TCF4: variants seen among roughly 807,000 people sequenced by gnomAD.
The protein encoded by TCF4 is transcription factor 4.
Under a neutral mutation model 82.1 loss-of-function variants are expected in TCF4, and 3 were observed. That is an observed-to-expected ratio of 0.04 (90% CI 0.02 to 0.09). TCF4 has a LOEUF of 0.09. Among genes scored for constraint, TCF4 ranks in the 10% least tolerant of loss-of-function variants. TCF4 has a pLI of 1.00. For missense variants in TCF4, 518 were observed against 852.7 expected (o/e 0.61, Z 4.89); for synonymous variants, 276 against 309.6 (o/e 0.89, Z 1.14).
chr18:55,478,216 C>T (rs531167189), intron 3 of TCF4, among the ~76,000 whole-genome samples: 65 of 152,268 alleles, frequency 4.3e-4, no homozygotes, highest in Non-Finnish European at 6.6e-4. Context: ...GCAAAGATTG[C>T]AATGTTACTT....
At chr18:55,618,013 C>T (rs974373614) in intron 2 of TCF4, among the ~76,000 whole-genome samples, 7 of 152,074 alleles carry the variant, frequency 4.6e-5, no homozygotes, top group South Asian at 2.1e-4. Context: ...AGTGGGCATC[C>T]TTTCTTAGTC....
intron 13 of TCF4, among the ~76,000 whole-genome samples, chr18:55,257,847 T>G (rs555729773): frequency 6.6e-6 from 1 of 152,290 alleles, no homozygotes; most frequent in East Asian, 1.9e-4. Flanking sequence ...CTTGAAAAAC[T>G]TTTTAAGGGA....
intron 3 of TCF4, among the ~76,000 whole-genome samples, chr18:55,483,770 T>C (rs2096476238): frequency 6.6e-6 from 1 of 152,252 alleles, no homozygotes; most frequent in South Asian, 2.1e-4. Flanking sequence ...TTAGGCATTC[T>C]GCGTCACTTA....
intron 2 of TCF4, chr18:55,596,192 T>G (rs1249468086): frequency 2.5e-6 from 1 of 395,282 alleles, no homozygotes; most frequent in South Asian, 1.8e-5. Context: ...ATGGTGCCAC[T>G]GCACTCCGGT....
chr18:55,288,111 G>T (rs533691513), intron 8 of TCF4, among the ~76,000 whole-genome samples: 8 of 152,152 alleles, frequency 5.3e-5, no homozygotes, highest in Non-Finnish European at 1.2e-4. Context: ...CAGGAGAGAT[G>T]TGAGTGGACT....
chr18:55,322,500 GACTGCTTGGTCA>G, intron 8 of TCF4: 1 of 980,840 alleles, frequency 1.0e-6, no homozygotes, highest in Non-Finnish European at 1.2e-6. Flanking sequence ...AGTGTTTTCT[GACTGCTTGGTCA>G]ACAACCTACA....
intron 9 of TCF4, among the ~76,000 whole-genome samples, chr18:55,276,364 TTCA>T (rs755341541): frequency 1.3e-5 from 2 of 152,184 alleles, no homozygotes; most frequent in Non-Finnish European, 2.9e-5. Flanking sequence ...ATCTTAAACC[TTCA>T]GTAGCAATCC....
At chr18:55,403,051 A>G (rs905043699) in intron 6 of TCF4, among the ~76,000 whole-genome samples, 2 of 152,184 alleles carry the variant, frequency 1.3e-5, no homozygotes, top group African/African-American at 2.4e-5. Context: ...TATGAAAACT[A>G]TAATTTAGGG....
intron 3 of TCF4, among the ~76,000 whole-genome samples, chr18:55,558,666 C>A (rs1004218961): frequency 6.6e-6 from 1 of 151,962 alleles, no homozygotes; most frequent in African/African-American, 2.4e-5. Context: ...TTGGGCCAAT[C>A]GAAACAAGAA....
intron 5 of TCF4, among the ~76,000 whole-genome samples, chr18:55,439,931 C>G (rs996724953): frequency 6.6e-6 from 1 of 152,112 alleles, no homozygotes; most frequent in African/African-American, 2.4e-5. Context: ...ACCATGTTGG[C>G]CAGGTTGGTC....
intron 1 of TCF4, among the ~76,000 whole-genome samples, chr18:55,635,152 G>A (rs1018228930): frequency 8.5e-5 from 13 of 152,156 alleles, no homozygotes; most frequent in African/African-American, 3.1e-4. Context: ...TGGGAAAGGA[G>A]ACAGAGGAGC....
chr18:55,518,855 C>A (rs2096907985), intron 3 of TCF4: 1 of 151,958 alleles, frequency 6.6e-6, no homozygotes, highest in South Asian at 2.1e-4. Context: ...TCACAATTAT[C>A]CAACATTTTA....
chr18:55,279,834 A>C (rs532306156), intron 8 of TCF4, among the ~76,000 whole-genome samples, 178 bp from the exon 9 acceptor site: 81 of 152,346 alleles, frequency 5.3e-4, no homozygotes, highest in African/African-American at 1.8e-3. Context: ...CAACAAAACG[A>C]AACAAAAGCT....
intron 3 of TCF4, among the ~76,000 whole-genome samples, chr18:55,534,366 G>A (rs960393696): frequency 6.6e-6 from 1 of 152,216 alleles, no homozygotes; most frequent in Non-Finnish European, 1.5e-5. Flanking sequence ...TAGACAGTAA[G>A]TTCCATGAAG....
At chr18:55,342,459 A>G (rs189788269) in intron 8 of TCF4, among the ~76,000 whole-genome samples, 39 of 152,246 alleles carry the variant, frequency 2.6e-4, no homozygotes, top group Admixed American at 1.2e-3. Flanking sequence ...TTTCGAATTT[A>G]TTTTATGTAA....
chr18:55,383,403 GAT>G (rs1328224055), intron 6 of TCF4, among the ~76,000 whole-genome samples: 2 of 152,082 alleles, frequency 1.3e-5, no homozygotes, highest in Non-Finnish European at 2.9e-5. Context: ...TTTTCCTCCT[GAT>G]AAACCTAGGA....
At chr18:55,429,764 CA>C (rs35255242) in intron 5 of TCF4, among the ~76,000 whole-genome samples, 33 of 57,172 alleles carry the variant, frequency 5.8e-4, no homozygotes, top group African/African-American at 2.8e-3. Context: ...GACTCCATCT[CA>C]AAAAAAAAAA....
chr18:55,461,624 G>A (rs2095869235), intron 4 of TCF4, among the ~76,000 whole-genome samples: 1 of 152,088 alleles, frequency 6.6e-6, no homozygotes, highest in East Asian at 1.9e-4. Flanking sequence ...TATTGTGGTT[G>A]TAAGAGAACT....
chr18:55,579,695 T>C (rs2097559240), intron 3 of TCF4, among the ~76,000 whole-genome samples: 1 of 152,008 alleles, frequency 6.6e-6, no homozygotes, highest in African/African-American at 2.4e-5. Context: ...AGCATCATAA[T>C]ACTAAACGTT....
Sources: gnomAD v4.1 joint callset for allele counts (sites outside exome capture counted in the v4.1 genomes callset) on GRCh38, gnomAD v4.1.1 for gene constraint, MANE v1.5 for transcripts, NCBI Gene and HGNC (gene_info 2026-07-23, HGNC 2026-07-21) for gene names.